The following LYPLAL1 variants were observed in gnomAD, a reference collection of about 807,000 sequenced individuals.
LYPLAL1 encodes the protein lysophospholipase like 1.
In LYPLAL1, 23 loss-of-function variants were observed where a neutral mutation model predicts 19.7. That is an observed-to-expected ratio of 1.17 (90% CI 0.84 to 1.65). LYPLAL1 has a LOEUF of 1.65. Among genes scored for constraint, LYPLAL1 ranks in the 40% most tolerant of loss-of-function variants. LYPLAL1 has a pLI of 0.00. For missense variants in LYPLAL1, 355 were observed against 279.4 expected, an observed-to-expected ratio of 1.27 and a Z score of -1.93; for synonymous variants, 119 against 96.3, an observed-to-expected ratio of 1.24 and a Z score of -1.38.
chr1:219,439,986 TATATAC>T, the LYPLAL1 span, among the ~76,000 whole-genome samples: 125 of 61,010 alleles, frequency 2.0e-3, 1 homozygote, highest in African/African-American at 7.9e-3. Context: ...TATATATATA[TATATAC>T]ACACATATAT....
At chr1:219,229,705 G>A in the LYPLAL1 span, among the ~76,000 whole-genome samples, 1 of 152,162 alleles carries the variant, frequency 6.6e-6, no homozygotes, top group Non-Finnish European at 1.5e-5. Flanking sequence ...CTGTGGGGTC[G>A]GAGCCCCATA....
the LYPLAL1 span, among the ~76,000 whole-genome samples, chr1:219,335,813 G>C: frequency 2.6e-5 from 4 of 151,734 alleles, no homozygotes; most frequent in Non-Finnish European, 5.9e-5. Context: ...ATATCACAAA[G>C]CTTATGAGAG....
chr1:219,322,142 A>G, the LYPLAL1 span, among the ~76,000 whole-genome samples: 1 of 152,204 alleles, frequency 6.6e-6, no homozygotes. Context: ...TCAATGTCTT[A>G]TAACTTCCCT....
the LYPLAL1 span, among the ~76,000 whole-genome samples, chr1:219,329,006 T>C: frequency 1.3e-5 from 2 of 152,202 alleles, no homozygotes; most frequent in Admixed American, 1.3e-4. Flanking sequence ...TTCAATCCTT[T>C]TTGGAGCAAA....
the LYPLAL1 span, among the ~76,000 whole-genome samples, chr1:219,279,361 A>G: frequency 6.6e-6 from 1 of 152,206 alleles, no homozygotes; most frequent in Non-Finnish European, 1.5e-5. Context: ...AATGGATCCA[A>G]TGCCCAGATG....
the LYPLAL1 span, among the ~76,000 whole-genome samples, chr1:219,322,652 C>T: frequency 3.0e-4 from 45 of 152,254 alleles, no homozygotes; most frequent in African/African-American, 1.0e-3. Context: ...TTACACAGGT[C>T]ATCTCTGAGC....
intron 4 of LYPLAL1, 33 bp from the exon 5 acceptor site, chr1:219,211,459 T>C: frequency 7.3e-7 from 1 of 1,376,526 alleles, no homozygotes; most frequent in East Asian, 2.3e-5. Flanking sequence ...TGGAATTTCT[T>C]AAACTTTTCT....
chr1:219,285,284 A>C, the LYPLAL1 span, among the ~76,000 whole-genome samples: 4 of 152,212 alleles, frequency 2.6e-5, no homozygotes, highest in Non-Finnish European at 5.9e-5. Flanking sequence ...TGACTAATGA[A>C]AATTTCATTG....
At chr1:219,232,887 A>G in the LYPLAL1 span, among the ~76,000 whole-genome samples, 3 of 152,032 alleles carry the variant, frequency 2.0e-5, no homozygotes, top group Admixed American at 2.0e-4. Context: ...AAGGAAAATA[A>G]CAAGTGTTTG....
chr1:219,365,641 A>T, the LYPLAL1 span, among the ~76,000 whole-genome samples: 2 of 152,068 alleles, frequency 1.3e-5, no homozygotes, highest in Non-Finnish European at 2.9e-5. Context: ...CCCCCTCTTC[A>T]CTTTTCTTGA....
At chr1:219,219,645 A>G in the LYPLAL1 span, among the ~76,000 whole-genome samples, 1 of 152,180 alleles carries the variant, frequency 6.6e-6, no homozygotes, top group African/African-American at 2.4e-5. Flanking sequence ...CACAGAATGA[A>G]TAGTGACAAC....
the LYPLAL1 span, among the ~76,000 whole-genome samples, chr1:219,415,299 C>T: frequency 6.6e-6 from 1 of 152,178 alleles, no homozygotes. Context: ...GACTGTAGAG[C>T]AGGTTTACAG....
At chr1:219,343,249 A>G in the LYPLAL1 span, among the ~76,000 whole-genome samples, 5 of 152,234 alleles carry the variant, frequency 3.3e-5, no homozygotes, top group Non-Finnish European at 7.3e-5. Flanking sequence ...AGTGAATAAG[A>G]CAAAGATGAG....
the LYPLAL1 span, among the ~76,000 whole-genome samples, chr1:219,255,629 A>G: frequency 1.3e-5 from 2 of 151,848 alleles, no homozygotes; most frequent in Admixed American, 6.6e-5. Flanking sequence ...CCCTCGTGCA[A>G]TGTTGCACAG....
the LYPLAL1 span, among the ~76,000 whole-genome samples, chr1:219,270,553 C>T: frequency 6.6e-6 from 1 of 152,284 alleles, no homozygotes; most frequent in Non-Finnish European, 1.5e-5. Context: ...GTTCTCTACA[C>T]GGCTGGCGCC....
the LYPLAL1 span, among the ~76,000 whole-genome samples, chr1:219,230,395 G>C: frequency 6.6e-6 from 1 of 152,156 alleles, no homozygotes; most frequent in Non-Finnish European, 1.5e-5. Flanking sequence ...ACAGGCGTGA[G>C]CCACCGCACC....
downstream of LYPLAL1, among the ~76,000 whole-genome samples, chr1:219,213,547 A>C (rs1302843246): frequency 1.3e-5 from 2 of 152,002 alleles, no homozygotes; most frequent in African/African-American, 4.8e-5. Context: ...TCTAATCCAC[A>C]AACATGATAT....
the LYPLAL1 span, among the ~76,000 whole-genome samples, chr1:219,340,038 T>A: frequency 1.3e-5 from 2 of 152,034 alleles, no homozygotes; most frequent in African/African-American, 2.4e-5. Flanking sequence ...AGTATATGCA[T>A]GGAAAACCTA....
At chr1:219,373,287 C>T in the LYPLAL1 span, among the ~76,000 whole-genome samples, 1 of 152,176 alleles carries the variant, frequency 6.6e-6, no homozygotes, top group East Asian at 1.9e-4. Flanking sequence ...AGTAGGAAAC[C>T]GCTCCCATCA....
Sources: allele counts gnomAD v4.1 joint callset (sites outside exome capture counted in the v4.1 genomes callset), GRCh38; gene constraint gnomAD v4.1.1; transcripts MANE v1.5; gene names NCBI Gene and HGNC (gene_info 2026-07-23, HGNC 2026-07-21).